The following EXOC6B variants were observed in gnomAD, a reference collection of about 807,000 sequenced individuals.
The protein encoded by EXOC6B is exocyst complex component 6B, also known as SEC15 homolog B.
EXOC6B carries 54 observed loss-of-function variants against 113.5 expected under a neutral mutation model. The observed-to-expected ratio is 0.48, with a 90% CI of 0.38 to 0.60. EXOC6B has a LOEUF of 0.60. Ranked by LOEUF, EXOC6B falls within the 20% of genes least tolerant of loss-of-function variation. The pLI, the probability that EXOC6B is intolerant of heterozygous loss-of-function variation, is 0.00. For synonymous variants in EXOC6B, 357 were observed against 339.0 expected, an observed-to-expected ratio of 1.05 and a Z score of -0.58; for missense variants, 797 against 977.5, an observed-to-expected ratio of 0.82 and a Z score of 2.46.
chr2:72,256,557 T>C (rs1683365692), intron 20 of EXOC6B, among the ~76,000 whole-genome samples: 1 of 152,188 alleles, frequency 6.6e-6, no homozygotes, highest in Non-Finnish European at 1.5e-5. Context: ...GGGCATTAGT[T>C]GCTAGTTCTG....
intron 18 of EXOC6B, among the ~76,000 whole-genome samples, chr2:72,404,367 C>G (rs974282944): frequency 6.6e-6 from 1 of 152,222 alleles, no homozygotes; most frequent in Non-Finnish European, 1.5e-5. Context: ...AGTAGTGGTT[C>G]TCCCAGCACG....
rs141366446 is a variant in EXOC6B, at chr2:72,241,621, G to A, written c.2197-57434C>T. Among the ~76,000 whole-genome samples the A allele has an allele frequency of 1.0e-2, 1,513 of 152,054 alleles. 13 individuals carry two copies. Among genetic ancestry groups the A allele is most frequent in the Non-Finnish European group, 0.016 (1,117 of 67,994 alleles). On this transcript the variant is annotated intron_variant, in intron 20 of 21. Coordinates refer to ENST00000272427, the MANE Select transcript of EXOC6B (RefSeq NM_015189.3). The stretch of plus-strand genomic sequence containing the variant: ...TTAAAAGAAGTTGGGGAGGGGGAGC[G>A]TCAGGGGAGAATCTTACCTATATAG...
intron 18 of EXOC6B, among the ~76,000 whole-genome samples, chr2:72,400,669 C>G (rs1022501612): frequency 6.8e-6 from 1 of 146,872 alleles, no homozygotes; most frequent in Non-Finnish European, 1.5e-5. Context: ...ACATACGCAG[C>G]CAAAAAAAAA....
chr2:72,753,076 T>TAAAC (rs1419607696), intron 1 of EXOC6B, among the ~76,000 whole-genome samples: 1 of 151,948 alleles, frequency 6.6e-6, no homozygotes, highest in Non-Finnish European at 1.5e-5. Context: ...TCAAGTCCTA[T>TAAAC]AAACCTGACT....
chr2:72,473,050 T>A (rs1389425385), intron 17 of EXOC6B, among the ~76,000 whole-genome samples: 1 of 152,198 alleles, frequency 6.6e-6, no homozygotes, highest in African/African-American at 2.4e-5. Flanking sequence ...ATACTTGATG[T>A]GATTTTGAAT....
At chr2:72,557,767 C>A (rs1459783787) in intron 8 of EXOC6B, among the ~76,000 whole-genome samples, 2 of 151,838 alleles carry the variant, frequency 1.3e-5, no homozygotes, top group African/African-American at 2.4e-5. Context: ...CATGAGTTTA[C>A]CTATGTAACA....
chr2:72,572,115 T>C (rs1704546680), intron 7 of EXOC6B, among the ~76,000 whole-genome samples: 1 of 152,162 alleles, frequency 6.6e-6, no homozygotes, highest in Non-Finnish European at 1.5e-5. Context: ...ACTGTATTTA[T>C]TGCCAGAAAA....
At chr2:72,629,610 TC>T (rs1254959209) in intron 6 of EXOC6B, among the ~76,000 whole-genome samples, 1 of 152,194 alleles carries the variant, frequency 6.6e-6, no homozygotes, top group African/African-American at 2.4e-5. Flanking sequence ...ATAGCAGCAA[TC>T]TTCTGTTCTC....
chr2:72,251,054 G>A lies in EXOC6B; in HGVS notation c.2197-66867C>T, dbSNP rs187182130. ...TGTTGCCCAGGCTGGTCTTGAACTC[G>A]GGAGCTCACGTAATCTGCCCCCCTT... On this transcript the variant is annotated intron_variant, in intron 20 of 21. Transcript: ENST00000272427. Among the ~76,000 whole-genome samples, 7 of 123,956 alleles carry A rather than the reference G, an allele frequency of 5.6e-5. No homozygotes were observed. In the East Asian group the frequency reaches 1.4e-3, roughly 25 times the overall value. The allele number at this position is 123,956 out of a possible 152,430, so 81.3% of individuals were successfully genotyped here. A position where few individuals can be genotyped will look rare whatever the true frequency, so the allele number is the denominator to read the frequency against.
intron 18 of EXOC6B, among the ~76,000 whole-genome samples, chr2:72,428,443 G>A (rs1039108941): frequency 2.0e-5 from 3 of 152,200 alleles, no homozygotes; most frequent in African/African-American, 7.2e-5. Context: ...TCCAGTTGCA[G>A]CCTTGCAGAG....
intron 16 of EXOC6B, among the ~76,000 whole-genome samples, chr2:72,489,071 TG>T (rs1438207687): frequency 6.6e-6 from 1 of 152,112 alleles, no homozygotes; most frequent in Non-Finnish European, 1.5e-5. Flanking sequence ...AATCTCTACC[TG>T]AAATTTCTCC....
chr2:72,190,750 G>A (rs1171368491), intron 20 of EXOC6B, among the ~76,000 whole-genome samples: 2 of 152,078 alleles, frequency 1.3e-5, no homozygotes, highest in Non-Finnish European at 2.9e-5. Flanking sequence ...GTGTATCCTA[G>A]AACTCACTCC....
At chr2:72,480,091 C>G (rs1261741820) in intron 17 of EXOC6B, among the ~76,000 whole-genome samples, 1 of 151,930 alleles carries the variant, frequency 6.6e-6, no homozygotes, top group Non-Finnish European at 1.5e-5. Flanking sequence ...ATAATCTCAA[C>G]TACTTGGGAG....
chr2:72,634,017 A>C (rs1192024272), intron 6 of EXOC6B, among the ~76,000 whole-genome samples: 1 of 152,156 alleles, frequency 6.6e-6, no homozygotes, highest in Admixed American at 6.5e-5. Context: ...AACGAAAATA[A>C]AAACGATCCA....
intron 8 of EXOC6B, among the ~76,000 whole-genome samples, chr2:72,530,703 T>C (rs1244235033): frequency 6.6e-6 from 1 of 152,168 alleles, no homozygotes; most frequent in East Asian, 1.9e-4. Flanking sequence ...GATTCATCCA[T>C]TTACCCTTTC....
At chr2:72,821,018 C>T (rs956645210) in intron 1 of EXOC6B, among the ~76,000 whole-genome samples, 1 of 151,870 alleles carries the variant, frequency 6.6e-6, no homozygotes, top group African/African-American at 2.4e-5. Context: ...AACTTTTGTG[C>T]AGCAAAAGCT....
At position 72,235,364 on chromosome 2, in the gene EXOC6B, C is replaced by T. The variant is rs191605448; in HGVS notation, c.2197-51177G>A. Reference sequence around the variant, plus strand: ...TTAGGAGCTAAATATCAAGTACACACGGACACAAAGAAGGGCAGAACAGAC... The same window carrying T: ...TTAGGAGCTAAATATCAAGTACACATGGACACAAAGAAGGGCAGAACAGAC... On this transcript the variant is annotated intron_variant, in intron 20 of 21. Transcript: ENST00000272427. Among the ~76,000 whole-genome samples the T allele has an allele frequency of 2.0e-4, 30 of 152,108 alleles. No homozygotes were observed. In the East Asian group the frequency reaches 4.1e-3, roughly 21 times the overall value.
chr2:72,445,209 A>G (rs547275091), intron 18 of EXOC6B, among the ~76,000 whole-genome samples: 1 of 152,284 alleles, frequency 6.6e-6, no homozygotes, highest in South Asian at 2.1e-4. Context: ...AACAAGAGTG[A>G]CCATTGCTCC....
intron 7 of EXOC6B, among the ~76,000 whole-genome samples, chr2:72,566,040 T>C (rs1704159947): frequency 6.6e-6 from 1 of 152,104 alleles, no homozygotes; most frequent in South Asian, 2.1e-4. Context: ...TAAAGTGTTT[T>C]GCGTATGGTA....
Sources: gnomAD v4.1 joint callset for allele counts (sites outside exome capture counted in the v4.1 genomes callset) on GRCh38, gnomAD v4.1.1 for gene constraint, MANE v1.5 for transcripts, NCBI Gene and HGNC (gene_info 2026-07-23, HGNC 2026-07-21) for gene names.